Variants in ABCC5 observed in about 807,000 individuals in gnomAD.
ABCC5 encodes the protein ATP-binding cassette sub-family C member 5.
Under a neutral mutation model 160.9 loss-of-function variants are expected in ABCC5, and 61 were observed. That is an observed-to-expected ratio of 0.38 (90% CI 0.31 to 0.47). The LOEUF (loss-of-function observed/expected upper bound fraction) is 0.47, where lower values mean the gene tolerates loss of function less well. ABCC5 is among the 20% of genes least tolerant of loss of function. The pLI, the probability that ABCC5 is intolerant of heterozygous loss-of-function variation, is 0.99. For missense variants in ABCC5, 1,308 were observed against 1,813.3 expected, an observed-to-expected ratio of 0.72 and a Z score of 5.06; for synonymous variants, 666 against 700.6, an observed-to-expected ratio of 0.95 and a Z score of 0.78.
rs1160528638 is a variant in ABCC5 at position 183,942,877 on chromosome 3, C to A, written c.3544G>T (p.Ala1182Ser). The A allele has an allele frequency of 3.1e-6, 5 of 1,613,752 alleles. No individual in the cohort carries two copies. The highest frequency in any genetic ancestry group is 2.2e-5 in the East Asian group (1 of 44,880). Residue 1182 changes from alanine (A) to serine (S), a missense_variant, in exon 25 of 30, where the codon GCT (alanine) becomes TCT (serine). Coordinates refer to ENST00000334444, the MANE Select transcript of ABCC5 (RefSeq NM_005688.4). The stretch of plus-strand genomic sequence containing the variant: ...TCCTGGGGCCAGTCAGGGGAGGGAG[C>A]CTTGTTCTTAATTCTGGCAGGTGCT... ...LEAPARIKNK[A>S]PSPDWPQEGE...
At chr3:184,016,414 G>C (rs1021854251) in intron 1 of ABCC5, among the ~76,000 whole-genome samples, 2 of 152,102 alleles carry the variant, frequency 1.3e-5, no homozygotes, top group Non-Finnish European at 1.5e-5. Flanking sequence ...GGACACCATC[G>C]TCTGTGTATC....
chr3:183,946,655 TC>T (rs1714872849), intron 23 of ABCC5, among the ~76,000 whole-genome samples: 1 of 152,106 alleles, frequency 6.6e-6, no homozygotes, highest in Non-Finnish European at 1.5e-5. Flanking sequence ...TCCCTTCCAT[TC>T]CTACCCCCAC....
In ABCC5 at chr3:184,013,606, G is replaced by A. The variant is rs144802615; in HGVS notation, c.129+658C>T. 2.9e-3 allele frequency among the ~76,000 whole-genome samples: 439 copies of A among 152,170 alleles called. 2 individuals are homozygous for A. Among genetic ancestry groups the A allele is most frequent in the African/African-American group, 0.01 (423 of 41,532 alleles). ...GAAAGTAGAAGAAAACACCAATTTT[G>A]TTTAGGTACATGAATGAAGCTTAAT... On this transcript the variant is annotated intron_variant, in intron 2 of 29. Coordinates refer to ENST00000334444, the MANE Select transcript of ABCC5 (RefSeq NM_005688.4).
intron 2 of ABCC5, chr3:184,001,200 C>T: frequency 5.7e-6 from 3 of 522,636 alleles, no homozygotes; most frequent in South Asian, 6.1e-5. Flanking sequence ...CTGCAGTGAG[C>T]CATGGTCATG....
chr3:183,996,943 G>A lies in ABCC5; in HGVS notation c.130-7560C>T, dbSNP rs1720336013. On this transcript the variant is annotated intron_variant, in intron 2 of 29. Coordinates refer to ENST00000334444, the MANE Select transcript of ABCC5 (RefSeq NM_005688.4). ...TACACATTGCCCAAGTCAGGAAAAT[G>A]AAATATCTGATGGAAATACAGGATA... 3.9e-5 allele frequency among the ~76,000 whole-genome samples: 6 copies of A among 152,074 alleles called. No homozygotes were observed. In the South Asian group the frequency reaches 1.2e-3, roughly 31 times the overall value.
At chr3:184,005,919 A>AC (rs1721160070) in intron 2 of ABCC5, among the ~76,000 whole-genome samples, 1 of 151,722 alleles carries the variant, frequency 6.6e-6, no homozygotes, top group African/African-American at 2.4e-5. Context: ...AAAAAAAAAA[A>AC]AAACAGGAAG....
intron 20 of ABCC5, 39 bp from the exon 21 acceptor site, chr3:183,950,164 G>A: frequency 6.4e-7 from 1 of 1,564,932 alleles, no homozygotes; most frequent in South Asian, 1.2e-5. Flanking sequence ...CAGATGGTTT[G>A]GAAAAATGGA....
At chr3:183,978,926 A>G (rs1718458233) in intron 8 of ABCC5, among the ~76,000 whole-genome samples, 1 of 152,236 alleles carries the variant, frequency 6.6e-6, no homozygotes, top group Admixed American at 6.5e-5. Flanking sequence ...TAGGTTGAGA[A>G]GGAATGAACA....
chr3:183,938,078 A>G lies in ABCC5; in HGVS notation c.3695-18T>C, dbSNP rs1226379661. The G allele has an allele frequency of 6.2e-7, 1 of 1,612,130 alleles. No homozygotes were observed. The highest frequency in any genetic ancestry group is 2.2e-5 in the East Asian group (1 of 44,842). On this transcript the variant is annotated intron_variant, in intron 25 of 29. Transcript: ENST00000334444. ...GGACTTCCCTGATGAGTCAGAAGAC[A>G]TGCAAGAGAGGAGCTGTTAGCAAAG... is the stretch of plus-strand genomic sequence containing the variant.
intron 25 of ABCC5, among the ~76,000 whole-genome samples, chr3:183,940,153 G>A (rs113821700): frequency 1.7e-4 from 26 of 152,076 alleles, no homozygotes; most frequent in Admixed American, 3.3e-4. Context: ...TACCAGAAAC[G>A]AGTTAGGAAA....
At chr3:183,952,148 T>A in intron 18 of ABCC5, 145 bp from the exon 19 acceptor site, 2 of 437,502 alleles carry the variant, frequency 4.6e-6, no homozygotes, top group Non-Finnish European at 7.2e-6. Flanking sequence ...CCACCTCTTT[T>A]TTTTTTTTTT....
chr3:183,956,634 G>C (rs1270875493), intron 17 of ABCC5, among the ~76,000 whole-genome samples: 2 of 148,258 alleles, frequency 1.3e-5, no homozygotes, highest in African/African-American at 5.0e-5. Context: ...GCAGATCCGT[G>C]TGTAAATCAC....
chr3:183,982,764 C>T lies in ABCC5; in HGVS notation c.825+10G>A, dbSNP rs28365007. 4,207 of 1,613,716 alleles carry T rather than the reference C, an allele frequency of 2.6e-3. 97 individuals carry two copies. The African/African-American group carries it at 0.048, about 18-fold the overall frequency. ...TGCTCTCTGCTGTGAAGCAAACACC[C>T]CTCACTCACCTCACCCAGGGATTTC... On this transcript the variant is annotated intron_variant, in intron 6 of 29. Coordinates refer to ENST00000334444, the MANE Select transcript of ABCC5 (RefSeq NM_005688.4). The surrounding 1 kb of genome is among the most constrained non-coding windows in gnomAD (Gnocchi z 5.2).
intron 2 of ABCC5, among the ~76,000 whole-genome samples, chr3:184,009,270 A>G (rs879575511): frequency 6.6e-6 from 1 of 152,110 alleles, no homozygotes; most frequent in Non-Finnish European, 1.5e-5. Flanking sequence ...TTTGTTACTT[A>G]GAGGCTTTTT....
intron 25 of ABCC5, among the ~76,000 whole-genome samples, chr3:183,941,550 G>T (rs1217944161): frequency 2.6e-5 from 4 of 151,086 alleles, no homozygotes; most frequent in Non-Finnish European, 5.9e-5. Context: ...AAGGAAAAAA[G>T]CTAGAAGAGT....
intron 25 of ABCC5, among the ~76,000 whole-genome samples, chr3:183,940,525 T>C (rs1372249230): frequency 6.7e-6 from 1 of 148,840 alleles, no homozygotes; most frequent in East Asian, 2.0e-4. Flanking sequence ...ACTCAGTTAC[T>C]GGCCCCTTTC....
intron 2 of ABCC5, among the ~76,000 whole-genome samples, chr3:183,992,621 TA>T (rs900459401): frequency 8.0e-5 from 12 of 149,944 alleles, no homozygotes; most frequent in Non-Finnish European, 1.0e-4. Flanking sequence ...CCGTCTCTAC[TA>T]AAAAAAAATA....
rs780254378 is a variant in ABCC5, at chr3:183,982,659, A to G, written c.826-35T>C. ...ACAAAGAGTAGTGAGGGGACCCTGC[A>G]AGGACACGGTTCATTTGTCTCAGGA... On this transcript the variant is annotated intron_variant, in intron 6 of 29. Coordinates refer to ENST00000334444, the MANE Select transcript of ABCC5 (RefSeq NM_005688.4). The surrounding 1 kb of genome is among the most constrained non-coding windows in gnomAD (Gnocchi z 5.2). The G allele has an allele frequency of 3.1e-6, 5 of 1,611,684 alleles. No homozygotes were observed. The highest frequency in any genetic ancestry group is 3.4e-6 in the Non-Finnish European group (4 of 1,178,102).
intron 2 of ABCC5, chr3:184,000,762 G>T (rs1186097227): frequency 1.3e-5 from 2 of 153,406 alleles, no homozygotes; most frequent in African/African-American, 4.8e-5. Context: ...TAATTTTACT[G>T]CATAAAGGAA....
Sources: allele counts gnomAD v4.1 joint callset (sites outside exome capture counted in the v4.1 genomes callset), GRCh38; gene constraint gnomAD v4.1.1; non-coding constraint Gnocchi (gnomAD v3.1); transcripts MANE v1.5; gene names NCBI Gene and HGNC (gene_info 2026-07-23, HGNC 2026-07-21).